Variants in POFUT3 observed in about 807,000 individuals in gnomAD.
POFUT3 encodes protein O-fucosyltransferase 3.
the POFUT3 span, among the ~76,000 whole-genome samples, chr8:33,317,669 T>C: frequency 6.6e-6 from 1 of 152,068 alleles, no homozygotes; most frequent in Non-Finnish European, 1.5e-5. Context: ...TGCCCAATTC[T>C]CTTTGCTGGT....
chr8:33,364,584 C>T, the POFUT3 span, among the ~76,000 whole-genome samples: 1 of 152,156 alleles, frequency 6.6e-6, no homozygotes, highest in Non-Finnish European at 1.5e-5. Context: ...TCTCAGGATA[C>T]AAAATCAATG....
chr8:33,323,314 C>T, the POFUT3 span, among the ~76,000 whole-genome samples: 8 of 152,270 alleles, frequency 5.3e-5, no homozygotes, highest in East Asian at 3.9e-4. Flanking sequence ...GCCTTATTTT[C>T]GACCAAAGTT....
the POFUT3 span, among the ~76,000 whole-genome samples, chr8:33,422,940 C>T: frequency 6.6e-6 from 1 of 152,076 alleles, no homozygotes; most frequent in Non-Finnish European, 1.5e-5. Flanking sequence ...CTCAGCCCCC[C>T]GAGTAGCTGG....
At chr8:33,436,215 A>G in the POFUT3 span, 2 of 1,307,478 alleles carry the variant, frequency 1.5e-6, no homozygotes, top group African/African-American at 1.5e-5. Flanking sequence ...CGTCCCAGAG[A>G]CTGGGTACCA....
chr8:33,457,714 GCTTTAAAATA>G, the POFUT3 span, among the ~76,000 whole-genome samples: 1 of 151,958 alleles, frequency 6.6e-6, no homozygotes, highest in Non-Finnish European at 1.5e-5. Context: ...TCCTGGATTT[GCTTTAAAATA>G]CTCCAAAATA....
At chr8:33,392,002 T>G in the POFUT3 span, among the ~76,000 whole-genome samples, 2 of 152,120 alleles carry the variant, frequency 1.3e-5, no homozygotes, top group African/African-American at 4.8e-5. Context: ...AGATGAATGC[T>G]CTCCTGCATT....
At chr8:33,333,186 G>A in the POFUT3 span, among the ~76,000 whole-genome samples, 1 of 152,210 alleles carries the variant, frequency 6.6e-6, no homozygotes, top group Non-Finnish European at 1.5e-5. Flanking sequence ...AAGGCTGAAA[G>A]GCCTGAGGAA....
the POFUT3 span, among the ~76,000 whole-genome samples, chr8:33,440,224 T>C: frequency 6.6e-6 from 1 of 152,062 alleles, no homozygotes; most frequent in African/African-American, 2.4e-5. Flanking sequence ...TAGCCAGGCA[T>C]GGTGGCATGC....
At chr8:33,424,615 AT>A in the POFUT3 span, among the ~76,000 whole-genome samples, 1 of 152,148 alleles carries the variant, frequency 6.6e-6, no homozygotes, top group Non-Finnish European at 1.5e-5. Flanking sequence ...CACAGCTGAG[AT>A]CCCTTTCCAG....
chr8:33,399,855 T>A, the POFUT3 span, among the ~76,000 whole-genome samples: 6 of 151,904 alleles, frequency 3.9e-5, no homozygotes, highest in South Asian at 1.2e-3. Flanking sequence ...GGTTTCACCA[T>A]GTTCGTCAGG....
At chr8:33,440,123 G>A in the POFUT3 span, among the ~76,000 whole-genome samples, 30 of 152,234 alleles carry the variant, frequency 2.0e-4, no homozygotes, top group African/African-American at 7.0e-4. Flanking sequence ...AGCACTTTGG[G>A]AGGCTGAGGC....
At chr8:33,453,327 G>T in the POFUT3 span, 2 of 1,614,176 alleles carry the variant, frequency 1.2e-6, no homozygotes, top group Non-Finnish European at 1.7e-6. Context: ...CCCGTCAGCG[G>T]GGACCACCAG....
At chr8:33,359,215 T>C in the POFUT3 span, among the ~76,000 whole-genome samples, 1 of 152,176 alleles carries the variant, frequency 6.6e-6, no homozygotes, top group Non-Finnish European at 1.5e-5. Flanking sequence ...AACATTCAAG[T>C]GTTATTTATA....
the POFUT3 span, among the ~76,000 whole-genome samples, chr8:33,327,152 C>A: frequency 6.6e-6 from 1 of 152,174 alleles, no homozygotes; most frequent in Non-Finnish European, 1.5e-5. Flanking sequence ...GCCTGCACTG[C>A]TCTGGTCTCC....
chr8:33,357,495 A>AATAT, the POFUT3 span, among the ~76,000 whole-genome samples: 382 of 147,876 alleles, frequency 2.6e-3, no homozygotes, highest in South Asian at 6.0e-3. Context: ...TCCTCTTGCA[A>AATAT]ATATATATAT....
the POFUT3 span, among the ~76,000 whole-genome samples, chr8:33,365,357 T>G: frequency 3.9e-5 from 6 of 152,114 alleles, no homozygotes; most frequent in Non-Finnish European, 5.9e-5. Context: ...GGGCAAGGAC[T>G]TCATGACTAA....
the POFUT3 span, chr8:33,472,954 T>C: frequency 6.6e-6 from 1 of 152,490 alleles, no homozygotes; most frequent in East Asian, 1.9e-4. Flanking sequence ...CCGGAGGTAG[T>C]GTCCCAGCTT....
chr8:33,309,431 G>A, the POFUT3 span, among the ~76,000 whole-genome samples: 23 of 151,246 alleles, frequency 1.5e-4, no homozygotes, highest in Non-Finnish European at 1.0e-4. Flanking sequence ...CCTTAGAAAT[G>A]AGAGCTTGGT....
chr8:33,424,227 C>T, the POFUT3 span, among the ~76,000 whole-genome samples: 34 of 151,964 alleles, frequency 2.2e-4, no homozygotes, highest in Non-Finnish European at 4.0e-4. Flanking sequence ...ATGATTTGGG[C>T]AAATTACTGT....
Sources: gnomAD v4.1 joint callset for allele counts (sites outside exome capture counted in the v4.1 genomes callset) on GRCh38, gnomAD v4.1.1 for gene constraint, MANE v1.5 for transcripts, NCBI Gene and HGNC (gene_info 2026-07-23, HGNC 2026-07-21) for gene names.